The following ABCA3 variants were observed in gnomAD, a reference collection of about 807,000 sequenced individuals.
ABCA3 encodes phospholipid-transporting ATPase ABCA3.
ABCA3 carries 88 observed loss-of-function variants against 172.8 expected under a neutral mutation model. That is an observed-to-expected ratio of 0.51 (90% CI 0.43 to 0.61). The LOEUF is 0.61. Among genes scored for constraint, ABCA3 ranks in the 20% least tolerant of loss-of-function variants. The probability of loss-of-function intolerance (pLI) is 0.00; values close to 1 mark genes in which losing one functional copy is unlikely to be tolerated. For synonymous variants in ABCA3, 1,066 were observed against 983.8 expected (o/e 1.08, Z -1.56); for missense variants, 2,164 against 2,301.0 (o/e 0.94, Z 1.22).
intron 10 of ABCA3, among the ~76,000 whole-genome samples, chr16:2,311,522 A>G (rs759656330): frequency 3.4e-5 from 5 of 148,268 alleles, no homozygotes; most frequent in Non-Finnish European, 6.0e-5. Context: ...TGCAGTTTGG[A>G]TTTTTTTTTT....
chr16:2,300,556 G>A (rs1033447626), intron 12 of ABCA3, among the ~76,000 whole-genome samples: 3 of 152,196 alleles, frequency 2.0e-5, no homozygotes, highest in Admixed American at 6.5e-5. Flanking sequence ...CCCCACATGA[G>A]TTCATGACTG....
At chr16:2,289,675 G>A (rs2093668844) in intron 19 of ABCA3, 55 bp from the exon 20 acceptor site, 3 of 1,533,902 alleles carry the variant, frequency 2.0e-6, no homozygotes, top group Middle Eastern at 2.0e-4. Flanking sequence ...GTGGGTGGAG[G>A]GAGGGACTAT....
intron 8 of ABCA3, 50 bp from the exon 9 acceptor site, chr16:2,317,814 G>T: frequency 6.4e-7 from 1 of 1,557,940 alleles, no homozygotes; most frequent in Admixed American, 1.7e-5. Context: ...TGCCCGCCAT[G>T]ATGGCATGTG....
Position 2,289,438 on chromosome 16 carries a change from G to A in ABCA3, c.2696C>T (p.Thr899Ile), listed in dbSNP as rs1395817566. The A allele has an allele frequency of 1.4e-6, 2 of 1,441,544 alleles. No individual in the cohort carries two copies. The highest frequency in any genetic ancestry group is 9.3e-7 in the Non-Finnish European group (1 of 1,075,662). The allele number at this position is 1,441,544 out of a possible 1,614,324, so 89.3% of individuals were successfully genotyped here. A position where few individuals can be genotyped will look rare whatever the true frequency, so the allele number is the denominator to read the frequency against. The change falls in exon 20 of 33, where the codon ACT (threonine) becomes ATT (isoleucine). Residue 899 changes from threonine (T) to isoleucine (I), a missense_variant. By Grantham distance (89) the Thr-to-Ile change is moderately conservative. This residue lies in a region of ABCA3 where 1,343 missense variants were observed against 1,369.6 expected (regional missense o/e 0.98). Transcript: ENST00000301732. Reference protein sequence around the residue: ...EEERTAVKLNTGLALHCQQFW... With the variant: ...EEERTAVKLNIGLALHCQQFW... ...CCCACCCACCTGGGCACTCACCCCA[G>A]TGTTGAGCTTGACAGCGGTGCGCTC... is the stretch of plus-strand genomic sequence containing the variant.
At chr16:2,299,919 G>C (rs1324408109) in intron 13 of ABCA3, 86 bp downstream of exon 13, 3 of 1,574,904 alleles carry the variant, frequency 1.9e-6, no homozygotes, top group African/African-American at 2.7e-5. Context: ...AGCGCCTGAC[G>C]GGCTATGAGG....
At position 2,319,832 on chromosome 16, in the gene ABCA3, G is replaced by A. The variant is rs768483175; in HGVS notation, c.622C>T (p.Arg208Trp). Residue 208 changes from arginine to tryptophan, a missense_variant, in exon 8 of 33, where the codon CGG becomes TGG. Arg to Trp is a moderately radical substitution (Grantham distance 101, BLOSUM62 -3). Around this residue, in one of 3 missense-constraint regions of ABCA3, gnomAD observed 1,343 missense variants for 1,369.6 expected, o/e 0.98. Coordinates refer to ENST00000301732, the MANE Select transcript of ABCA3 (RefSeq NM_001089.3). The part of the protein sequence containing the change: ...SPDGGEPGYI[R>W]EGFLAVQHAV... ...TGCTGCACGGCCAGGAAGCCTTCCC[G>A]GATGTACCCTGGGTGCGGGAGCAGA... 24 of 1,613,780 alleles carry A rather than the reference G, an allele frequency of 1.5e-5. No individual in the cohort carries two copies. Among genetic ancestry groups the A allele is most frequent in the South Asian group, 5.5e-5 (5 of 91,082 alleles).
At position 2,281,009 on chromosome 16, in the gene ABCA3, C is replaced by G; in HGVS notation, c.4359+18G>C. 6.2e-7 allele frequency: 1 copy of G among 1,613,886 alleles called. No homozygotes were observed. The highest frequency in any genetic ancestry group is 8.5e-7 in the Non-Finnish European group (1 of 1,180,022). On this transcript the variant is annotated intron_variant, in intron 28 of 32. Transcript: ENST00000301732. The surrounding 1 kb of genome is among the most constrained non-coding windows in gnomAD (Gnocchi z 4.7). Reference sequence around the variant, plus strand: ...CATGCCTGTCTCACCCCTTCAGAGCCTCCCTGGCTGCACCCACCTTTCCGA... The same window carrying G: ...CATGCCTGTCTCACCCCTTCAGAGCGTCCCTGGCTGCACCCACCTTTCCGA...
At chr16:2,303,272 T>TTA (rs2093692363) in intron 12 of ABCA3, among the ~76,000 whole-genome samples, 1 of 151,476 alleles carries the variant, frequency 6.6e-6, no homozygotes, top group African/African-American at 2.4e-5. Flanking sequence ...CTCTTTTTTT[T>TTA]TTTTTTTTGA....
chr16:2,309,280 C>G (rs1028808662), intron 10 of ABCA3, among the ~76,000 whole-genome samples: 2 of 152,198 alleles, frequency 1.3e-5, no homozygotes, highest in Non-Finnish European at 2.9e-5. Flanking sequence ...GTTGCCTGAT[C>G]TCTCTCATTT....
Position 2,283,350 on chromosome 16 carries a change from A to G in ABCA3, c.3871T>C (p.Tyr1291His). ...AHYCKKYNIQ[Y>H]QENFYAWSAP... is the part of the protein sequence containing the mutation. ...CTCCAGGCATAGAAGTTCTCCTGGT[A>G]CTGGATGTCTGTGGGGCGAGGGAGT... is the stretch of plus-strand genomic sequence containing the variant. The change falls in exon 26 of 33, where the codon TAC becomes CAC. Residue 1291 changes from tyrosine to histidine, a missense_variant. This residue lies in a region of ABCA3 where 795 missense variants were observed against 881.9 expected (regional missense o/e 0.90). Transcript: ENST00000301732. This position sits in a 1 kb window ranked among gnomAD's most constrained non-coding sequence, Gnocchi z 5.4. 6.2e-7 allele frequency: 1 copy of G among 1,612,826 alleles called. No homozygotes were observed.
chr16:2,278,843 G>A lies in ABCA3; in HGVS notation c.4547+100C>T. 1.3e-6 allele frequency: 2 copies of A among 1,531,004 alleles called. No individual in the cohort carries two copies. The highest frequency in any genetic ancestry group is 1.8e-6 in the Non-Finnish European group (2 of 1,115,310). 94.8% of individuals were successfully genotyped at this position (1,531,004 alleles called of 1,614,324 possible). A position where few individuals can be genotyped will look rare whatever the true frequency, so the allele number is the denominator to read the frequency against. ...AGCTCCATCCTGGAGCCACAAGCAGGAGCTCTGGCTGCTGACCTGAGCGGT... is the reference window on the plus strand; with the variant it reads ...AGCTCCATCCTGGAGCCACAAGCAGAAGCTCTGGCTGCTGACCTGAGCGGT... On this transcript the variant is annotated intron_variant, in intron 29 of 32. Transcript: ENST00000301732. This position sits in a 1 kb window ranked among gnomAD's most constrained non-coding sequence, Gnocchi z 4.4.
chr16:2,280,576 A>G (rs1399641152), intron 28 of ABCA3, among the ~76,000 whole-genome samples: 1 of 151,962 alleles, frequency 6.6e-6, no homozygotes, highest in East Asian at 1.9e-4. Context: ...TGCTTGGCAC[A>G]CTTGAATTCC....
Position 2,288,312 on chromosome 16 carries a change from C to T in ABCA3, c.2718G>A (p.Gln906=), listed in dbSNP as rs1056316730. Residue 906 remains glutamine (Q), a synonymous_variant, in exon 21 of 33, where the codon CAG becomes CAA. Coordinates refer to ENST00000301732, the MANE Select transcript of ABCA3 (RefSeq NM_001089.3). ...KLNTGLALHC[Q]QFWAMFLKKA... is the part of the protein sequence containing the mutation. ...TCTTCAGGAACATGGCCCAGAATTG[C>T]TGGCAGTGCAGGGCGAGCTGCGGCA... 1 of 1,563,824 alleles carries T rather than the reference C, an allele frequency of 6.4e-7. No individual in the cohort carries two copies. Among genetic ancestry groups the T allele is most frequent in the Non-Finnish European group, 8.6e-7 (1 of 1,157,848 alleles).
chr16:2,339,332 G>GT (rs918809845), intron 1 of ABCA3: 42 of 152,326 alleles, frequency 2.8e-4, no homozygotes, highest in African/African-American at 8.4e-4. Context: ...CAGAATGGTG[G>GT]TAAGTCACTT....
chr16:2,293,014 G>T (rs1171876325), intron 18 of ABCA3, among the ~76,000 whole-genome samples: 1 of 152,128 alleles, frequency 6.6e-6, no homozygotes, highest in Non-Finnish European at 1.5e-5. Context: ...TATAGAATGG[G>T]GCAGGGGCCA....
At chr16:2,280,936 T>C in intron 28 of ABCA3, 91 bp downstream of exon 28, 2 of 1,530,852 alleles carry the variant, frequency 1.3e-6, no homozygotes, top group East Asian at 2.3e-5. Flanking sequence ...CAGCAGCTGT[T>C]TGGGGACAGC....
rs913713288 is a variant in ABCA3, at chr16:2,308,730, A to G, written c.1112-107T>C. On this transcript the variant is annotated intron_variant, in intron 10 of 32. Transcript: ENST00000301732. Reference sequence around the variant, plus strand: ...CCTACTCCTGGGGCCGAGCCACCCAACCTGCTCCTGGCACTTGCCATCTAC... The same window carrying G: ...CCTACTCCTGGGGCCGAGCCACCCAGCCTGCTCCTGGCACTTGCCATCTAC... The G allele has an allele frequency of 3.8e-6, 5 of 1,308,660 alleles. No homozygotes were observed. The African/African-American group carries it at 7.3e-5, about 19-fold the overall frequency. The allele number at this position is 1,308,660 out of a possible 1,614,324, so 81.1% of individuals were successfully genotyped here. A position where few individuals can be genotyped will look rare whatever the true frequency, so the allele number is the denominator to read the frequency against.
At chr16:2,305,511 G>A (rs1232399374) in intron 11 of ABCA3, among the ~76,000 whole-genome samples, 1 of 152,022 alleles carries the variant, frequency 6.6e-6, no homozygotes, top group African/African-American at 2.4e-5. Flanking sequence ...TGGCCAGGAT[G>A]GTCTCGATCT....
At chr16:2,326,629 G>A in intron 3 of ABCA3, 137 bp from the exon 4 acceptor site, 1 of 925,860 alleles carries the variant, frequency 1.1e-6, no homozygotes, top group Non-Finnish European at 1.7e-6. Context: ...AAACACCCCT[G>A]GAGGGAAGGG....
Sources: allele counts gnomAD v4.1 joint callset (sites outside exome capture counted in the v4.1 genomes callset), GRCh38; gene constraint gnomAD v4.1.1; regional missense constraint gnomAD v4.1.1; non-coding constraint Gnocchi (gnomAD v3.1); transcripts MANE v1.5; gene names NCBI Gene and HGNC (gene_info 2026-07-23, HGNC 2026-07-21).